Variants in TUSC3 observed in about 807,000 individuals in gnomAD.
TUSC3 encodes dolichyl-diphosphooligosaccharide--protein glycosyltransferase subunit TUSC3.
In TUSC3, 45 loss-of-function variants were observed where a neutral mutation model predicts 44.8. The observed-to-expected ratio is 1.00, with a 90% CI of 0.79 to 1.29. The LOEUF is 1.29. Among genes scored for constraint, TUSC3 ranks in the 50% most tolerant of loss-of-function variants. The pLI is 0.00. For synonymous variants in TUSC3, 212 were observed against 152.9 expected, an observed-to-expected ratio of 1.39 and a Z score of -2.85; for missense variants, 519 against 437.9, an observed-to-expected ratio of 1.19 and a Z score of -1.65.
At chr8:15,728,008 C>T (rs1002296301) in intron 6 of TUSC3, among the ~76,000 whole-genome samples, 1 of 152,086 alleles carries the variant, frequency 6.6e-6, no homozygotes, top group Non-Finnish European at 1.5e-5. Context: ...AAGAAATAAG[C>T]TACAAGTGTT....
intron 1 of TUSC3, among the ~76,000 whole-genome samples, chr8:15,481,905 C>G (rs768473476): frequency 2.6e-4 from 40 of 152,206 alleles, no homozygotes; most frequent in Non-Finnish European, 3.4e-4. Context: ...GAAGTTTGCT[C>G]CATTGATTGA....
chr8:15,602,406 C>A (rs370251399), intron 1 of TUSC3, among the ~76,000 whole-genome samples: 296 of 151,602 alleles, frequency 2.0e-3, no homozygotes, highest in Non-Finnish European at 3.0e-3. Flanking sequence ...AGTTTTATTT[C>A]CCCACAGTTT....
intron 7 of TUSC3, among the ~76,000 whole-genome samples, chr8:15,740,950 ATTGT>A (rs1409416581): frequency 6.6e-6 from 1 of 152,180 alleles, no homozygotes; most frequent in African/African-American, 2.4e-5. Flanking sequence ...CTGTTACCAC[ATTGT>A]TTGAATTTAA....
At chr8:15,740,328 C>G (rs1811134789) in intron 7 of TUSC3, among the ~76,000 whole-genome samples, 1 of 151,904 alleles carries the variant, frequency 6.6e-6, no homozygotes, top group African/African-American at 2.4e-5. Context: ...AAACAACCAC[C>G]AAAACTCATA....
chr8:15,540,102 G>A (rs1320888527), upstream of TUSC3: 9 of 298,734 alleles, frequency 3.0e-5, no homozygotes, highest in African/African-American at 6.5e-5. Context: ...GAGGTCCCAG[G>A]GCCAAAGGAC....
chr8:15,850,468 C>G, the TUSC3 span, among the ~76,000 whole-genome samples: 1 of 152,184 alleles, frequency 6.6e-6, no homozygotes, highest in Non-Finnish European at 1.5e-5. Context: ...CTCACAAGTA[C>G]TATCTTCCTC....
At chr8:15,509,238 T>C (rs1801100182) in intron 2 of TUSC3, among the ~76,000 whole-genome samples, 1 of 152,230 alleles carries the variant, frequency 6.6e-6, no homozygotes, top group African/African-American at 2.4e-5. Context: ...TTCTTGATGC[T>C]CTTGTCAATA....
intron 10 of TUSC3, among the ~76,000 whole-genome samples, chr8:15,759,645 A>G (rs1360667081): frequency 1.3e-5 from 2 of 152,042 alleles, no homozygotes; most frequent in Non-Finnish European, 2.9e-5. Context: ...CTAGCATTTT[A>G]GTTGACAAGC....
intron 10 of TUSC3, among the ~76,000 whole-genome samples, chr8:15,760,524 T>G (rs529379140): frequency 7.9e-4 from 121 of 152,304 alleles, no homozygotes; most frequent in African/African-American, 2.8e-3. Context: ...AACTGCTGTC[T>G]GTGTTAGTTT....
chr8:15,583,308 C>T (rs1803452732), intron 1 of TUSC3, among the ~76,000 whole-genome samples: 1 of 152,078 alleles, frequency 6.6e-6, no homozygotes, highest in African/African-American at 2.4e-5. Flanking sequence ...GGTTTAAGTT[C>T]ATAGTCATTT....
At chr8:15,464,153 T>C (rs1256187316) in intron 1 of TUSC3, among the ~76,000 whole-genome samples, 1 of 152,202 alleles carries the variant, frequency 6.6e-6, no homozygotes, top group Non-Finnish European at 1.5e-5. Context: ...TGATAACTGA[T>C]TCTTCCAGGT....
intron 1 of TUSC3, among the ~76,000 whole-genome samples, chr8:15,572,351 A>G (rs906802102): frequency 3.3e-5 from 5 of 152,102 alleles, no homozygotes; most frequent in Admixed American, 2.0e-4. Flanking sequence ...TTTCTTCTGT[A>G]GCTTCCTTTC....
the TUSC3 span, among the ~76,000 whole-genome samples, chr8:15,817,099 A>T: frequency 6.6e-6 from 1 of 152,212 alleles, no homozygotes; most frequent in African/African-American, 2.4e-5. Context: ...GTTATCTAAA[A>T]GGGACCATCA....
intron 3 of TUSC3, 40 bp downstream of exon 3, chr8:15,650,854 T>G: frequency 2.5e-6 from 4 of 1,578,388 alleles, no homozygotes; most frequent in Non-Finnish European, 3.5e-6. Flanking sequence ...AACATAGTTG[T>G]TTGTGGTCGA....
At chr8:15,641,357 G>A (rs1264478555) in intron 2 of TUSC3, among the ~76,000 whole-genome samples, 9 of 107,304 alleles carry the variant, frequency 8.4e-5, no homozygotes, top group South Asian at 3.2e-4. Flanking sequence ...GAGAGACTCC[G>A]TCTCAAAAAA....
chr8:15,628,174 C>G (rs190061181), intron 2 of TUSC3, among the ~76,000 whole-genome samples: 7 of 151,866 alleles, frequency 4.6e-5, no homozygotes, highest in Non-Finnish European at 1.0e-4. Context: ...TATTGATTTC[C>G]TAAAATCACT....
chr8:15,739,124 C>T (rs1811069473), intron 7 of TUSC3, among the ~76,000 whole-genome samples: 1 of 151,866 alleles, frequency 6.6e-6, no homozygotes, highest in African/African-American at 2.4e-5. Flanking sequence ...AGCCACTGCG[C>T]CTGGCCTCTT....
At chr8:15,631,394 A>G (rs910669557) in intron 2 of TUSC3, among the ~76,000 whole-genome samples, 1 of 152,082 alleles carries the variant, frequency 6.6e-6, no homozygotes, top group Non-Finnish European at 1.5e-5. Context: ...ATTCTTTTCT[A>G]TATTCTATAA....
chr8:15,806,772 G>C, the TUSC3 span: 1 of 794,460 alleles, frequency 1.3e-6, no homozygotes, highest in Non-Finnish European at 2.1e-6. Context: ...CCTGCATTCT[G>C]AATTCATTCT....
Sources: allele counts gnomAD v4.1 joint callset (sites outside exome capture counted in the v4.1 genomes callset), GRCh38; gene constraint gnomAD v4.1.1; transcripts MANE v1.5; gene names NCBI Gene and HGNC (gene_info 2026-07-23, HGNC 2026-07-21).